KLHL3: variants seen among roughly 807,000 people sequenced by gnomAD.
The protein encoded by KLHL3 is kelch like family member 3, also known as kelch-like protein 3.
Under a neutral mutation model 70.5 loss-of-function variants are expected in KLHL3, and 19 were observed. The ratio of observed to expected loss-of-function variants is 0.27; its 90% CI spans 0.19 to 0.40. KLHL3 has a LOEUF of 0.40. Among genes scored for constraint, KLHL3 ranks in the 10% least tolerant of loss-of-function variants. The probability of loss-of-function intolerance (pLI) is 1.00; values close to 1 mark genes in which losing one functional copy is unlikely to be tolerated. For synonymous variants in KLHL3, 258 were observed against 290.3 expected, an observed-to-expected ratio of 0.89 and a Z score of 1.13; for missense variants, 512 against 771.1, an observed-to-expected ratio of 0.66 and a Z score of 3.98.
At chr5:137,679,159 G>GT (rs1413139033) in intron 5 of KLHL3, among the ~76,000 whole-genome samples, 17 of 144,210 alleles carry the variant, frequency 1.2e-4, no homozygotes, top group Admixed American at 1.1e-3. Context: ...TCTTTGGATG[G>GT]TAAGAATTTA....
At chr5:137,630,059 G>T (rs1393787891) in intron 12 of KLHL3, 2 of 152,146 alleles carry the variant, frequency 1.3e-5, no homozygotes, top group Non-Finnish European at 2.9e-5. Flanking sequence ...AAAGGCCAGG[G>T]CCTTTGGTCT....
At chr5:137,633,562 AATCT>A (rs1191225521) in intron 12 of KLHL3, among the ~76,000 whole-genome samples, 1 of 152,202 alleles carries the variant, frequency 6.6e-6, no homozygotes, top group African/African-American at 2.4e-5. Flanking sequence ...TCATATAATC[AATCT>A]AAGTATCCAT....
intron 8 of KLHL3, 24 bp downstream of exon 8, chr5:137,658,107 G>C (rs1372192028): frequency 1.2e-6 from 2 of 1,602,588 alleles, no homozygotes; most frequent in Admixed American, 3.5e-5. Context: ...CCTGACTCTT[G>C]GTGGTGATTG....
intron 5 of KLHL3, among the ~76,000 whole-genome samples, chr5:137,687,740 G>A (rs369751881): frequency 2.0e-5 from 1 of 49,968 alleles, no homozygotes. Context: ...AAGGGTGGGG[G>A]AAAAATTGAG....
chr5:137,633,184 G>C (rs1750680835), intron 12 of KLHL3, among the ~76,000 whole-genome samples: 1 of 151,128 alleles, frequency 6.6e-6, no homozygotes, highest in African/African-American at 2.4e-5. Flanking sequence ...GGAGGCTGAG[G>C]CAGGAGAATG....
rs765059863 is a variant in KLHL3 at position 137,709,904 on chromosome 5, T to C, written c.135-48A>G. 13 of 1,410,024 alleles carry C rather than the reference T, an allele frequency of 9.2e-6. No homozygotes were observed. The Admixed American group carries it at 2.0e-4, about 22-fold the overall frequency. The allele number at this position is 1,410,024 out of a possible 1,614,324, so 87.3% of individuals were successfully genotyped here. A position where few individuals can be genotyped will look rare whatever the true frequency, so the allele number is the denominator to read the frequency against. On this transcript the variant is annotated intron_variant, in intron 2 of 14. Coordinates refer to ENST00000309755, the MANE Select transcript of KLHL3 (RefSeq NM_017415.3). ...CAGGATGGGTTGCAGCAAGGACACC[T>C]ACCCTCATCTTACAAGGGTATTTTT...
At chr5:137,636,750 C>T (rs773149593) in intron 11 of KLHL3, among the ~76,000 whole-genome samples, 7 of 152,082 alleles carry the variant, frequency 4.6e-5, no homozygotes, top group South Asian at 4.2e-4. Context: ...TCTGACCAGG[C>T]CCTAGACCTC....
In KLHL3 at chr5:137,650,695, G is replaced by A. The variant is rs569480875; in HGVS notation, c.903+7436C>T. On this transcript the variant is annotated intron_variant, in intron 8 of 14. Transcript: ENST00000309755. ...AACGTAGCCGGGCATGGTGGCAGGC[G>A]CCTGTAATCCCAGCTACTTGGGTGG... Among the ~76,000 whole-genome samples the A allele has an allele frequency of 2.3e-3, 355 of 152,010 alleles. 1 individual carries two copies. The highest frequency in any genetic ancestry group is 8.4e-3 in the African/African-American group (348 of 41,440).
intron 6 of KLHL3, among the ~76,000 whole-genome samples, chr5:137,667,144 CTCA>C (rs1209123464): frequency 6.6e-6 from 1 of 152,214 alleles, no homozygotes; most frequent in African/African-American, 2.4e-5. Flanking sequence ...GGCAGCCACA[CTCA>C]TCGTTTACAT....
At chr5:137,682,868 GC>G (rs1377955428) in intron 5 of KLHL3, among the ~76,000 whole-genome samples, 1 of 152,138 alleles carries the variant, frequency 6.6e-6, no homozygotes, top group Non-Finnish European at 1.5e-5. Flanking sequence ...TCTCAAGCTA[GC>G]CCCAGGACTA....
At chr5:137,630,377 G>A (rs541553220) in intron 12 of KLHL3, among the ~76,000 whole-genome samples, 50 of 152,246 alleles carry the variant, frequency 3.3e-4, no homozygotes, top group African/African-American at 9.9e-4. Context: ...TTTCAGCAGC[G>A]TGGCAGAGAC....
chr5:137,677,661 C>CAAAA lies in KLHL3; in HGVS notation c.527-11_527-8dup. 9 of 1,246,334 alleles carry CAAAA rather than the reference C, an allele frequency of 7.2e-6. No homozygotes were observed. Among genetic ancestry groups the CAAAA allele is most frequent in the Admixed American group, 5.2e-5 (2 of 38,460 alleles). The allele number at this position is 1,246,334 out of a possible 1,614,324, so 77.2% of individuals were successfully genotyped here. The stretch of plus-strand genomic sequence containing the variant: ...ACCTCTGGAAAGTGCTGCTCTGTTC[C>CAAAA]AAAAAAAAAAAAAAGAAGTTAAGAA... On this transcript the variant is annotated splice_polypyrimidine_tract_variant and splice_region_variant and intron_variant, in intron 5 of 14. Coordinates refer to ENST00000309755, the MANE Select transcript of KLHL3 (RefSeq NM_017415.3).
intron 2 of KLHL3, among the ~76,000 whole-genome samples, chr5:137,716,790 G>C (rs1752901405): frequency 6.6e-6 from 1 of 152,116 alleles, no homozygotes; most frequent in African/African-American, 2.4e-5. Flanking sequence ...AAAAAAGTAA[G>C]GGCAGTGTCA....
At chr5:137,703,242 T>C (rs543070740) in intron 3 of KLHL3, among the ~76,000 whole-genome samples, 3 of 152,196 alleles carry the variant, frequency 2.0e-5, no homozygotes, top group Non-Finnish European at 4.4e-5. Context: ...GAATTAGTAC[T>C]GTAATTTAGT....
chr5:137,735,600 C>T, intron 1 of KLHL3, 33 bp downstream of exon 1: 1 of 1,538,676 alleles, frequency 6.5e-7, no homozygotes, highest in Non-Finnish European at 9.0e-7. Flanking sequence ...CTTACATACA[C>T]ACACAACACA....
chr5:137,680,885 C>A (rs1343067335), intron 5 of KLHL3, among the ~76,000 whole-genome samples: 4 of 152,008 alleles, frequency 2.6e-5, no homozygotes, highest in African/African-American at 9.7e-5. Flanking sequence ...ATCAAGATAT[C>A]CCTTGGGACC....
At chr5:137,643,529 G>A (rs547965665) in intron 8 of KLHL3, among the ~76,000 whole-genome samples, 5 of 152,176 alleles carry the variant, frequency 3.3e-5, no homozygotes, top group Admixed American at 6.5e-5. Context: ...GGTAGCTCAA[G>A]GCAGCAGGAA....
chr5:137,668,702 C>G (rs1320166835), intron 6 of KLHL3, among the ~76,000 whole-genome samples: 1 of 152,200 alleles, frequency 6.6e-6, no homozygotes, highest in Non-Finnish European at 1.5e-5. Flanking sequence ...CATTGCCACA[C>G]ACAACTCCAG....
intron 2 of KLHL3, among the ~76,000 whole-genome samples, chr5:137,712,047 A>G (rs1752802369): frequency 6.6e-6 from 1 of 150,772 alleles, no homozygotes; most frequent in African/African-American, 2.4e-5. Context: ...AATCCCAGCT[A>G]CTAGGGAGGC....
Sources: allele counts gnomAD v4.1 joint callset (sites outside exome capture counted in the v4.1 genomes callset), GRCh38; gene constraint gnomAD v4.1.1; transcripts MANE v1.5; gene names NCBI Gene and HGNC (gene_info 2026-07-23, HGNC 2026-07-21).